Variants in PDE6D observed in about 807,000 individuals in gnomAD.
PDE6D encodes phosphodiesterase 6D, also known as retinal rod rhodopsin-sensitive cGMP 3',5'-cyclic phosphodiesterase subunit delta.
In PDE6D, 10 loss-of-function variants were observed where a neutral mutation model predicts 21.9. The observed-to-expected ratio is 0.46, with a 90% CI of 0.28 to 0.78. The LOEUF (loss-of-function observed/expected upper bound fraction) is 0.78, where lower values mean the gene tolerates loss of function less well. Ranked by LOEUF, PDE6D falls within the 30% of genes least tolerant of loss-of-function variation. The pLI, the probability that PDE6D is intolerant of heterozygous loss-of-function variation, is 0.12. For missense variants in PDE6D, 139 were observed against 184.8 expected (o/e 0.75, Z 1.44); for synonymous variants, 59 against 63.5 (o/e 0.93, Z 0.34).
chr2:231,778,504 T>C (rs1290193977), intron 1 of PDE6D, among the ~76,000 whole-genome samples: 1 of 152,182 alleles, frequency 6.6e-6, no homozygotes. Context: ...GATGTGCAAC[T>C]TCTCTAATAA....
intron 1 of PDE6D, among the ~76,000 whole-genome samples, chr2:231,776,366 G>A (rs1242710264): frequency 6.7e-6 from 1 of 148,916 alleles, no homozygotes; most frequent in African/African-American, 2.5e-5. Flanking sequence ...AAATCTGTCA[G>A]TGAAAGCAAC....
At chr2:231,733,953 C>T (rs1380600955) in intron 4 of PDE6D, among the ~76,000 whole-genome samples, 1 of 152,122 alleles carries the variant, frequency 6.6e-6, no homozygotes, top group Non-Finnish European at 1.5e-5. Flanking sequence ...TGGCTCATGC[C>T]TGTAATCCCA....
chr2:231,781,259 C>T lies in PDE6D; in HGVS notation c.-145G>A, dbSNP rs2049123404. The T allele has an allele frequency of 3.0e-6, 2 of 670,458 alleles. No homozygotes were observed. The highest frequency in any genetic ancestry group is 5.3e-6 in the Non-Finnish European group (2 of 380,434). The allele number at this position is 670,458 out of a possible 1,614,324, so 41.5% of individuals were successfully genotyped here. A position where few individuals can be genotyped will look rare whatever the true frequency, so the allele number is the denominator to read the frequency against. On this transcript the variant is annotated 5_prime_UTR_variant, in exon 1 of 5. Transcript: ENST00000287600. ...CGGCCAGACCAGGACCGGCCTCTCT[C>T]TCCCCTCAGCTCCCGCTTCTGATCC...
chr2:231,742,441 G>T (rs913244248), intron 1 of PDE6D, among the ~76,000 whole-genome samples: 1 of 152,010 alleles, frequency 6.6e-6, no homozygotes, highest in African/African-American at 2.4e-5. Context: ...TTCTTTAAAT[G>T]ATGAACACAT....
intron 1 of PDE6D, among the ~76,000 whole-genome samples, chr2:231,742,221 A>T (rs562600696): frequency 2.0e-5 from 3 of 151,960 alleles, no homozygotes; most frequent in Non-Finnish European, 4.4e-5. Flanking sequence ...TCCTGGGTTC[A>T]AGCAATTCTC....
intron 1 of PDE6D, among the ~76,000 whole-genome samples, chr2:231,746,208 C>T (rs942472657): frequency 3.9e-5 from 6 of 152,114 alleles, no homozygotes; most frequent in Non-Finnish European, 7.4e-5. Context: ...GTGGTGCAAT[C>T]TCGGCTCACT....
intron 1 of PDE6D, among the ~76,000 whole-genome samples, chr2:231,770,006 T>C (rs2049002266): frequency 6.6e-6 from 1 of 152,366 alleles, no homozygotes; most frequent in East Asian, 1.9e-4. Flanking sequence ...TAGCCTTGTG[T>C]ATTCTGAACA....
intron 1 of PDE6D, among the ~76,000 whole-genome samples, chr2:231,758,212 G>GAAACAGGAAGAATAAGATAAGA (rs2048898627): frequency 6.6e-6 from 1 of 151,968 alleles, no homozygotes; most frequent in African/African-American, 2.4e-5. Flanking sequence ...GGTGCACATG[G>GAAACAGGAAGAATAAGATAAGA]CTTACTGCAG....
rs1350852535 is a variant in PDE6D at position 231,768,534 on chromosome 2, T to C, written c.50+12531A>G. On this transcript the variant is annotated intron_variant, in intron 1 of 4. Coordinates refer to ENST00000287600, the MANE Select transcript of PDE6D (RefSeq NM_002601.4). ...TCTTGAGTTGCTGGGATTACAAGCA[T>C]GCACCACCACGCCCAGCTAATTTTT... The C allele has an allele frequency of 3.3e-5, 5 of 152,060 alleles. No individual in the cohort carries two copies. In the East Asian group the frequency reaches 9.8e-4, roughly 30 times the overall value. 9.4% of individuals were successfully genotyped at this position (152,060 alleles called of 1,614,324 possible).
Position 231,732,679 on chromosome 2 carries a change from C to T in PDE6D, c.*273G>A, listed in dbSNP as rs2048661327. On this transcript the variant is annotated 3_prime_UTR_variant, in exon 5 of 5. Transcript: ENST00000287600. Reference sequence around the variant, plus strand: ...TACCGGTTTGTGGTATGTGTTTGTTCCCTGTGTGTATGCTGGGAAGGACTT... The same window carrying T: ...TACCGGTTTGTGGTATGTGTTTGTTTCCTGTGTGTATGCTGGGAAGGACTT... The T allele has an allele frequency of 3.0e-6, 1 of 327,948 alleles. No homozygotes were observed. Among genetic ancestry groups the T allele is most frequent in the Admixed American group, 4.6e-5 (1 of 21,582 alleles). 20.3% of individuals were successfully genotyped at this position (327,948 alleles called of 1,614,324 possible).
At chr2:231,740,680 C>CAAAAAA (rs3074722) in intron 1 of PDE6D, among the ~76,000 whole-genome samples, 2 of 57,008 alleles carry the variant, frequency 3.5e-5, no homozygotes, top group Admixed American at 2.1e-4. Context: ...GACCCTGTCT[C>CAAAAAA]AAAAAAAAAA....
At chr2:231,738,267 T>C in intron 2 of PDE6D, 129 bp from the exon 3 acceptor site, 1 of 889,532 alleles carries the variant, frequency 1.1e-6, no homozygotes, top group Non-Finnish European at 1.7e-6. Flanking sequence ...TAGAGAACAC[T>C]TTCTTACATT....
intron 1 of PDE6D, among the ~76,000 whole-genome samples, chr2:231,749,992 A>C (rs749147484): frequency 1.6e-4 from 25 of 152,138 alleles, no homozygotes; most frequent in Non-Finnish European, 3.2e-4. Context: ...CCCCACCAAA[A>C]TCTCAACTTG....
In PDE6D at chr2:231,737,199, G is replaced by T. The variant is rs1430956453; in HGVS notation, c.359C>A (p.Ala120Glu). Residue 120 changes from alanine to glutamate, a missense_variant, in exon 4 of 5, where the codon GCA (alanine) becomes GAA (glutamate). Coordinates refer to ENST00000287600, the MANE Select transcript of PDE6D (RefSeq NM_002601.4). Reference protein sequence around the residue: ...EAAPESQMMPASVLTGNVIIE... With the variant: ...EAAPESQMMPESVLTGNVIIE... ...CCTGCTCACTCACGTTAAGACGCTT[G>T]CTGGCATCATCTGGGACTCGGGTGC... is the stretch of plus-strand genomic sequence containing the variant. 4 of 1,601,044 alleles carry T rather than the reference G, an allele frequency of 2.5e-6. No homozygotes were observed. Among genetic ancestry groups the T allele is most frequent in the Non-Finnish European group, 3.4e-6 (4 of 1,168,168 alleles).
chr2:231,734,626 G>A (rs1252189225), intron 4 of PDE6D, among the ~76,000 whole-genome samples: 2 of 151,530 alleles, frequency 1.3e-5, no homozygotes, highest in African/African-American at 2.4e-5. Flanking sequence ...CAGATCATGA[G>A]GTCAGGAGAT....
rs999479066 is a variant in PDE6D, at chr2:231,744,594, C to T, written c.51-5406G>A. ...GATTACAGGCATGCGCCACCATGCCCGGCTAATTTTGTATTTTTAGTAGCG... is the reference window on the plus strand; with the variant it reads ...GATTACAGGCATGCGCCACCATGCCTGGCTAATTTTGTATTTTTAGTAGCG... On this transcript the variant is annotated intron_variant, in intron 1 of 4. Transcript: ENST00000287600. Among the ~76,000 whole-genome samples, 17 of 152,100 alleles carry T rather than the reference C, an allele frequency of 1.1e-4. No individual in the cohort carries two copies. In the East Asian group the frequency reaches 2.9e-3, roughly 26 times the overall value.
intron 1 of PDE6D, among the ~76,000 whole-genome samples, chr2:231,772,841 A>C (rs2049025993): frequency 6.6e-6 from 1 of 152,216 alleles, no homozygotes; most frequent in South Asian, 2.1e-4. Context: ...TAAACCATAT[A>C]CACAACCCTG....
chr2:231,753,882 C>T (rs183816485), intron 1 of PDE6D, among the ~76,000 whole-genome samples: 1 of 152,328 alleles, frequency 6.6e-6, no homozygotes, highest in Admixed American at 6.5e-5. Flanking sequence ...AAAGATCTCT[C>T]TGGCTTCCCT....
rs188733065 is a variant in PDE6D, at chr2:231,751,980, T to C, written c.51-12792A>G. 3.8e-3 allele frequency among the ~76,000 whole-genome samples: 580 copies of C among 152,342 alleles called. 4 individuals carry two copies. The highest frequency in any genetic ancestry group is 0.014 in the African/African-American group (563 of 41,584). ...AGGGATAAATAACTATATGAATTACTTGGAATTATACACTGGAGATTTATC... is the reference window on the plus strand; with the variant it reads ...AGGGATAAATAACTATATGAATTACCTGGAATTATACACTGGAGATTTATC... On this transcript the variant is annotated intron_variant, in intron 1 of 4. Transcript: ENST00000287600.
Sources: gnomAD v4.1 joint callset for allele counts (sites outside exome capture counted in the v4.1 genomes callset) on GRCh38, gnomAD v4.1.1 for gene constraint, MANE v1.5 for transcripts, NCBI Gene and HGNC (gene_info 2026-07-23, HGNC 2026-07-21) for gene names.